RNGTT: variants seen among roughly 807,000 people sequenced by gnomAD.
RNGTT encodes mRNA-capping enzyme.
In RNGTT, 33 loss-of-function variants were observed where a neutral mutation model predicts 79.3. The observed-to-expected ratio is 0.42, with a 90% CI of 0.32 to 0.56. The LOEUF (loss-of-function observed/expected upper bound fraction) is 0.56. RNGTT is among the 20% of genes least tolerant of loss of function. The pLI is 0.17. For missense variants in RNGTT, 497 were observed against 739.1 expected (o/e 0.67, Z 3.80); for synonymous variants, 222 against 235.9 (o/e 0.94, Z 0.54).
chr6:88,849,275 A>G (rs1432500857), intron 10 of RNGTT, among the ~76,000 whole-genome samples: 2 of 152,054 alleles, frequency 1.3e-5, no homozygotes, highest in Admixed American at 1.3e-4. Flanking sequence ...TTTCAATCAA[A>G]AAATTAGATG....
chr6:88,892,234 C>G (rs1783075518), intron 6 of RNGTT, among the ~76,000 whole-genome samples: 1 of 151,990 alleles, frequency 6.6e-6, no homozygotes, highest in African/African-American at 2.4e-5. Flanking sequence ...TCTCTCTAAT[C>G]CTTACAACAC....
At chr6:88,825,369 C>A (rs976235674) in intron 11 of RNGTT, among the ~76,000 whole-genome samples, 5 of 152,170 alleles carry the variant, frequency 3.3e-5, no homozygotes, top group African/African-American at 1.2e-4. Context: ...CACAAACTTT[C>A]AAGAATATTT....
intron 14 of RNGTT, among the ~76,000 whole-genome samples, chr6:88,675,893 A>G (rs1774857505): frequency 6.6e-6 from 1 of 152,216 alleles, no homozygotes. Context: ...ACTGAAAGCA[A>G]CGAAATATTG....
intron 4 of RNGTT, among the ~76,000 whole-genome samples, chr6:88,911,622 G>A (rs975108346): frequency 6.6e-6 from 1 of 151,808 alleles, no homozygotes; most frequent in Admixed American, 6.6e-5. Flanking sequence ...ACAATTACAT[G>A]GAAACGAAAC....
Position 88,698,293 on chromosome 6 carries a change from T to TGATATATATATTTC in RNGTT, c.1440-19875_1440-19874insGAAATATATATATC, listed in dbSNP as rs1562202484. ...TGATATATATATTTCATATATATCA[T>TGATATATATATTTC]ATATATATGAAATATATATATGAAA... is the stretch of plus-strand genomic sequence containing the variant. On this transcript the variant is annotated intron_variant, in intron 13 of 15. Transcript: ENST00000369485. Among the ~76,000 whole-genome samples the TGATATATATATTTC allele has an allele frequency of 1.8e-3, 227 of 124,792 alleles. 3 individuals carry two copies. The highest frequency in any genetic ancestry group is 7.2e-3 in the African/African-American group (198 of 27,440). 81.9% of individuals were successfully genotyped at this position (124,792 alleles called of 152,430 possible). A position where few individuals can be genotyped will look rare whatever the true frequency, so the allele number is the denominator to read the frequency against.
chr6:88,854,777 A>T (rs1781791087), intron 8 of RNGTT, among the ~76,000 whole-genome samples: 2 of 152,202 alleles, frequency 1.3e-5, no homozygotes, highest in Admixed American at 1.3e-4. Flanking sequence ...CATTCTTCAA[A>T]TGGTTAGGTT....
intron 6 of RNGTT, among the ~76,000 whole-genome samples, chr6:88,901,846 G>A (rs189903353): frequency 1.4e-4 from 21 of 152,004 alleles, no homozygotes; most frequent in Admixed American, 2.0e-4. Flanking sequence ...AAATGATGTC[G>A]AAAAAGACAA....
At chr6:88,784,098 G>A (rs1283942476) in intron 12 of RNGTT, among the ~76,000 whole-genome samples, 1 of 152,080 alleles carries the variant, frequency 6.6e-6, no homozygotes, top group Non-Finnish European at 1.5e-5. Context: ...CAGTCAAAAA[G>A]ATAAAAACAA....
At chr6:88,675,830 C>T (rs566576820) in intron 14 of RNGTT, among the ~76,000 whole-genome samples, 22 of 151,910 alleles carry the variant, frequency 1.4e-4, no homozygotes, top group Non-Finnish European at 2.9e-4. Context: ...TTTATAATAG[C>T]ATAAAAAATA....
At chr6:88,663,830 T>C (rs1774280729) in intron 14 of RNGTT, among the ~76,000 whole-genome samples, 1 of 152,180 alleles carries the variant, frequency 6.6e-6, no homozygotes, top group Non-Finnish European at 1.5e-5. Context: ...GAGGGGCATA[T>C]GGTAGGGGTG....
At chr6:88,670,861 G>A (rs560412623) in intron 14 of RNGTT, among the ~76,000 whole-genome samples, 5 of 152,232 alleles carry the variant, frequency 3.3e-5, no homozygotes, top group South Asian at 4.1e-4. Context: ...ATCTTGAGAC[G>A]CGAGTCTACC....
chr6:88,629,787 G>A (rs1162730797), intron 14 of RNGTT, among the ~76,000 whole-genome samples: 1 of 152,132 alleles, frequency 6.6e-6, no homozygotes. Context: ...AAGGTAGGTA[G>A]CTTTTCATCT....
intron 1 of RNGTT, among the ~76,000 whole-genome samples, chr6:88,957,256 C>G (rs144886899): frequency 9.4e-4 from 143 of 152,140 alleles, no homozygotes; most frequent in African/African-American, 3.3e-3. Flanking sequence ...AACACATGAC[C>G]AACACTATAC....
At chr6:88,668,486 C>G (rs775440735) in intron 14 of RNGTT, among the ~76,000 whole-genome samples, 6 of 152,216 alleles carry the variant, frequency 3.9e-5, no homozygotes, top group Non-Finnish European at 8.8e-5. Context: ...ATTTTCCCCA[C>G]ATGGAGGACT....
intron 14 of RNGTT, among the ~76,000 whole-genome samples, chr6:88,670,053 T>C (rs1562183736): frequency 6.6e-6 from 1 of 152,208 alleles, no homozygotes; most frequent in African/African-American, 2.4e-5. Flanking sequence ...ATGCTATTTA[T>C]CAAAATAGAT....
At chr6:88,927,863 C>T (rs1784373382) in intron 4 of RNGTT, among the ~76,000 whole-genome samples, 1 of 149,764 alleles carries the variant, frequency 6.7e-6, no homozygotes, top group Non-Finnish European at 1.5e-5. Context: ...GAAAAGGAAA[C>T]TTTACATTGC....
At chr6:88,810,577 T>C (rs1780105326) in intron 11 of RNGTT, among the ~76,000 whole-genome samples, 3 of 152,194 alleles carry the variant, frequency 2.0e-5, no homozygotes, top group African/African-American at 7.2e-5. Flanking sequence ...AGAGTCTCAA[T>C]GTGCTTAAAA....
At chr6:88,640,566 G>GAA (rs72031584) in intron 14 of RNGTT, among the ~76,000 whole-genome samples, 1 of 128,924 alleles carries the variant, frequency 7.8e-6, no homozygotes, top group African/African-American at 2.8e-5. Flanking sequence ...AAAAAGAAAA[G>GAA]AAAAAAAAAA....
intron 13 of RNGTT, among the ~76,000 whole-genome samples, chr6:88,760,709 G>A (rs535846745): frequency 6.6e-6 from 1 of 152,072 alleles, no homozygotes; most frequent in Admixed American, 6.6e-5. Context: ...GAGGCAGAGG[G>A]TAGAAAACAG....
Sources: allele counts gnomAD v4.1 joint callset (sites outside exome capture counted in the v4.1 genomes callset), GRCh38; gene constraint gnomAD v4.1.1; transcripts MANE v1.5; gene names NCBI Gene and HGNC (gene_info 2026-07-23, HGNC 2026-07-21).